The following ICA1L variants were observed in gnomAD, a reference collection of about 807,000 sequenced individuals.
ICA1L encodes the protein islet cell autoantigen 1-like protein.
A neutral mutation model predicts 61.3 loss-of-function variants in ICA1L; 50 were observed. That is an observed-to-expected ratio of 0.82 (90% confidence interval 0.65 to 1.03). The LOEUF (loss-of-function observed/expected upper bound fraction) is 1.03, where lower values mean the gene tolerates loss of function less well. ICA1L is among the 50% of genes least tolerant of loss of function. The pLI is 0.00. For synonymous variants in ICA1L, 161 were observed against 191.3 expected, an observed-to-expected ratio of 0.84 and a Z score of 1.31; for missense variants, 508 against 556.7, an observed-to-expected ratio of 0.91 and a Z score of 0.88.
At chr2:202,845,945 T>C (rs1050685763) in intron 1 of ICA1L, among the ~76,000 whole-genome samples, 1 of 152,196 alleles carries the variant, frequency 6.6e-6, no homozygotes, top group Non-Finnish European at 1.5e-5. Context: ...TTTAACATAG[T>C]AGTCCTGCTT....
In ICA1L at chr2:202,789,091, T is replaced by C. The variant is rs1343008217; in HGVS notation, c.986-4A>G. On this transcript the variant is annotated splice_region_variant and splice_polypyrimidine_tract_variant and intron_variant, in intron 10 of 12. Transcript: ENST00000358299. Reference sequence around the variant, plus strand: ...TCTACAGGTAGATCTTTTGCAACTATTGAGTGTAAATAAAAACAGAAAGGC... The same window carrying C: ...TCTACAGGTAGATCTTTTGCAACTACTGAGTGTAAATAAAAACAGAAAGGC... 1 of 1,597,516 alleles carries C rather than the reference T, an allele frequency of 6.3e-7. No homozygotes were observed. Among genetic ancestry groups the C allele is most frequent in the African/African-American group, 1.4e-5 (1 of 73,656 alleles).
At chr2:202,844,794 T>TA (rs1383829586) in intron 1 of ICA1L, among the ~76,000 whole-genome samples, 2 of 152,180 alleles carry the variant, frequency 1.3e-5, no homozygotes, top group African/African-American at 4.8e-5. Context: ...ACTGCTGCTA[T>TA]AAAAAATGAT....
intron 1 of ICA1L, among the ~76,000 whole-genome samples, chr2:202,862,855 T>C (rs987140622): frequency 2.0e-5 from 3 of 150,602 alleles, no homozygotes; most frequent in African/African-American, 7.3e-5. Context: ...AAAGAATAAA[T>C]ATAAATAAAT....
chr2:202,794,083 T>TTCC, intron 10 of ICA1L, among the ~76,000 whole-genome samples: 1 of 151,906 alleles, frequency 6.6e-6, no homozygotes, highest in East Asian at 1.9e-4. Flanking sequence ...GCAAACATGA[T>TTCC]ATAGTATCAG....
Position 202,819,825 on chromosome 2 carries a change from G to T in ICA1L, c.434C>A (p.Thr145Asn). 2 of 1,613,980 alleles carry T rather than the reference G, an allele frequency of 1.2e-6. No individual in the cohort carries two copies. The highest frequency in any genetic ancestry group is 1.7e-6 in the Non-Finnish European group (2 of 1,179,868). ...ATFSQRAVSDTLMTINRMEQA... is the reference protein window; with the variant it reads ...ATFSQRAVSDNLMTINRMEQA... Reference sequence around the variant, plus strand: ...CTCCATCCGATTAATTGTCATCAAGGTATCAGATACTGCCCTTTGACTGAA... The same window carrying T: ...CTCCATCCGATTAATTGTCATCAAGTTATCAGATACTGCCCTTTGACTGAA... Residue 145 changes from threonine (T) to asparagine (N), a missense_variant, in exon 5 of 13, where the codon ACC (threonine) becomes AAC (asparagine). Transcript: ENST00000358299.
At chr2:202,864,067 G>C (rs900329023) in intron 1 of ICA1L, among the ~76,000 whole-genome samples, 4 of 151,976 alleles carry the variant, frequency 2.6e-5, no homozygotes, top group Non-Finnish European at 5.9e-5. Context: ...AAAACAAAAC[G>C]AAACCCTTTC....
At chr2:202,864,260 T>TC in intron 1 of ICA1L, among the ~76,000 whole-genome samples, 1 of 151,984 alleles carries the variant, frequency 6.6e-6, no homozygotes, top group East Asian at 1.9e-4. Flanking sequence ...TTTTTTTTTT[T>TC]CGAGACGGAG....
chr2:202,799,433 C>T (rs1462213400), intron 9 of ICA1L, among the ~76,000 whole-genome samples: 2 of 152,148 alleles, frequency 1.3e-5, no homozygotes, highest in African/African-American at 4.8e-5. Flanking sequence ...TGAGAAATGT[C>T]TACTATTCAT....
chr2:202,816,115 A>G (rs1474248435), intron 6 of ICA1L, 106 bp from the exon 7 acceptor site: 17 of 621,424 alleles, frequency 2.7e-5, no homozygotes. Flanking sequence ...CCAAAAAATA[A>G]GAAGCAGGAA....
chr2:202,847,118 C>T (rs1694483590), intron 1 of ICA1L, among the ~76,000 whole-genome samples: 1 of 152,154 alleles, frequency 6.6e-6, no homozygotes, highest in Admixed American at 6.5e-5. Context: ...ATTGTAGAGA[C>T]CTGTTTAGCA....
At chr2:202,818,854 T>C (rs1285961096) in intron 5 of ICA1L, among the ~76,000 whole-genome samples, 1 of 152,248 alleles carries the variant, frequency 6.6e-6, no homozygotes, top group Non-Finnish European at 1.5e-5. Context: ...AATAGACTAA[T>C]ACATTATTCT....
At chr2:202,807,942 C>T (rs1270699286) in intron 9 of ICA1L, among the ~76,000 whole-genome samples, 1 of 152,084 alleles carries the variant, frequency 6.6e-6, no homozygotes. Context: ...ACTAAGAGAC[C>T]CTGGGCCCTG....
In ICA1L at chr2:202,778,321, G is replaced by A. The variant is rs1399718243; in HGVS notation, c.*1212C>T. 2 of 152,194 alleles carry A rather than the reference G, an allele frequency of 1.3e-5. No individual in the cohort carries two copies. Among genetic ancestry groups the A allele is most frequent in the East Asian group, 1.9e-4 (1 of 5,200 alleles). 9.4% of individuals were successfully genotyped at this position (152,194 alleles called of 1,614,324 possible). A position where few individuals can be genotyped will look rare whatever the true frequency, so the allele number is the denominator to read the frequency against. ...GAGTGATTGATGTGTGTGTACGGTA[G>A]CTACGTTTTTATCAGCTTACACTAA... On this transcript the variant is annotated 3_prime_UTR_variant, in exon 13 of 13. Coordinates refer to ENST00000358299, the MANE Select transcript of ICA1L (RefSeq NM_001288622.3).
Position 202,830,616 on chromosome 2 carries a change from C to T in ICA1L, c.-7-1600G>A, listed in dbSNP as rs184328675. On this transcript the variant is annotated intron_variant, in intron 1 of 12. Coordinates refer to ENST00000358299, the MANE Select transcript of ICA1L (RefSeq NM_001288622.3). The stretch of plus-strand genomic sequence containing the variant: ...GAAATACTAAAGTATGTGACTCATT[C>T]GTTATTTCCAGGCACATCGATACAT... Among the ~76,000 whole-genome samples, 320 of 152,188 alleles carry T rather than the reference C, an allele frequency of 2.1e-3. 2 individuals are homozygous for T. Among genetic ancestry groups the T allele is most frequent in the African/African-American group, 5.3e-3 (219 of 41,508 alleles).
Position 202,775,939 on chromosome 2 carries a change from A to C in ICA1L, c.*3594T>G, listed in dbSNP as rs1430786894. The C allele has an allele frequency of 6.6e-6, 1 of 152,210 alleles. No individual in the cohort carries two copies. The allele number at this position is 152,210 out of a possible 1,614,324, so 9.4% of individuals were successfully genotyped here. ...CAAGTTTTTGAATAGGAAAACAATAATTGTACTAAAAACTTCAGGAAACAA... is the reference window on the plus strand; with the variant it reads ...CAAGTTTTTGAATAGGAAAACAATACTTGTACTAAAAACTTCAGGAAACAA... On this transcript the variant is annotated 3_prime_UTR_variant, in exon 13 of 13. Coordinates refer to ENST00000358299, the MANE Select transcript of ICA1L (RefSeq NM_001288622.3).
At chr2:202,855,139 A>G (rs1694734542) in intron 1 of ICA1L, among the ~76,000 whole-genome samples, 1 of 152,242 alleles carries the variant, frequency 6.6e-6, no homozygotes, top group South Asian at 2.1e-4. Flanking sequence ...TCTGGGACAC[A>G]GCTAAAGCAG....
rs1692133557 is a variant in ICA1L at position 202,773,923 on chromosome 2, GAGAC to G, written c.*5606_*5609del. 7 of 1,208,486 alleles carry G rather than the reference GAGAC, an allele frequency of 5.8e-6. No homozygotes were observed. The Admixed American group carries it at 1.3e-4, about 22-fold the overall frequency. 74.9% of individuals were successfully genotyped at this position (1,208,486 alleles called of 1,614,324 possible). A position where few individuals can be genotyped will look rare whatever the true frequency, so the allele number is the denominator to read the frequency against. On this transcript the variant is annotated 3_prime_UTR_variant, in exon 13 of 13. Coordinates refer to ENST00000358299, the MANE Select transcript of ICA1L (RefSeq NM_001288622.3). ...GGAATAAGAACAGTCAACGTAGAAAGAGACAGAAAGATTCTTCTCTTCCGCTTAT... is the reference window on the plus strand; with the variant it reads ...GGAATAAGAACAGTCAACGTAGAAAGAGAAAGATTCTTCTCTTCCGCTTAT...
At chr2:202,870,513 T>C (rs1199582763) in intron 1 of ICA1L, 1 of 152,204 alleles carries the variant, frequency 6.6e-6, no homozygotes, top group Non-Finnish European at 1.5e-5. Context: ...TTTGGTCACA[T>C]AAAAATACAT....
At chr2:202,804,684 C>T (rs545315385) in intron 9 of ICA1L, among the ~76,000 whole-genome samples, 2 of 152,226 alleles carry the variant, frequency 1.3e-5, no homozygotes, top group Admixed American at 6.5e-5. Flanking sequence ...CAGATATAAC[C>T]GGCTCCTGCA....
Sources: allele counts gnomAD v4.1 joint callset (sites outside exome capture counted in the v4.1 genomes callset), GRCh38; gene constraint gnomAD v4.1.1; transcripts MANE v1.5; gene names NCBI Gene and HGNC (gene_info 2026-07-23, HGNC 2026-07-21).